The following CEACAM20 variants were observed in gnomAD, a reference collection of about 807,000 sequenced individuals.
CEACAM20 encodes the protein cell adhesion molecule CEACAM20.
In CEACAM20, 50 loss-of-function variants were observed where a neutral mutation model predicts 61.2. That is an observed-to-expected ratio of 0.82 (90% CI 0.65 to 1.03). The LOEUF is 1.03. Ranked by LOEUF, CEACAM20 falls within the 50% of genes least tolerant of loss-of-function variation. The pLI, the probability that CEACAM20 is intolerant of heterozygous loss-of-function variation, is 0.00. For missense variants in CEACAM20, 683 were observed against 736.4 expected (o/e 0.93, Z 0.84); for synonymous variants, 282 against 287.7 (o/e 0.98, Z 0.20).
intron 6 of CEACAM20, among the ~76,000 whole-genome samples, chr19:44,516,526 T>C (rs911394108): frequency 2.0e-5 from 3 of 152,216 alleles, no homozygotes; most frequent in African/African-American, 7.2e-5. Flanking sequence ...TCTCATTCTC[T>C]CTTGTCTGCC....
chr19:44,528,738 CCTT>C (rs1971613798), intron 1 of CEACAM20, among the ~76,000 whole-genome samples: 1 of 151,890 alleles, frequency 6.6e-6, no homozygotes, highest in Non-Finnish European at 1.5e-5. Flanking sequence ...GTTTATGTCT[CCTT>C]CTGTCAGTCT....
intron 1 of CEACAM20, among the ~76,000 whole-genome samples, chr19:44,525,733 G>C (rs1971511796): frequency 6.6e-6 from 1 of 151,986 alleles, no homozygotes; most frequent in African/African-American, 2.4e-5. Flanking sequence ...ATGAGCCCCT[G>C]TGCCAGCTGC....
chr19:44,511,033 A>G lies in CEACAM20; in HGVS notation c.1734T>C (p.Tyr578=), dbSNP rs772862763. ...ACTCAGTGTGGCATAAACATACCTCATAGATTGACTCCATGTTTTTTGGCA... is the reference window on the plus strand; with the variant it reads ...ACTCAGTGTGGCATAAACATACCTCGTAGATTGACTCCATGTTTTTTGGCA... The part of the protein sequence containing the change: ...STVPKNMESI[Y]EELVNPEPNT... Residue 578 remains tyrosine (Y), a synonymous_variant, in exon 11 of 12, where the codon TAT becomes TAC. Transcript: ENST00000614924. The G allele has an allele frequency of 1.7e-5, 28 of 1,613,780 alleles. No individual in the cohort carries two copies. The highest frequency in any genetic ancestry group is 2.4e-5 in the Non-Finnish European group (28 of 1,179,792).
At position 44,524,067 on chromosome 19, in the gene CEACAM20, C is replaced by T; in HGVS notation, c.391G>A (p.Glu131Lys). The change falls in exon 3 of 12, where the codon GAG becomes AAG. Residue 131 changes from glutamate (E) to lysine (K), a missense_variant. Glu to Lys is a moderately conservative substitution (Grantham distance 56). Coordinates refer to ENST00000614924, the MANE Select transcript of CEACAM20 (RefSeq NM_001102597.3). Reference protein sequence around the residue: ...KILTILIVQREDSGTYQCEAR... With the variant: ...KILTILIVQRKDSGTYQCEAR... ...TCACATTGGTAAGTCCCTGAGTCCTCCCGCTGGACAATGAGAATGGTGAGG... is the reference window on the plus strand; with the variant it reads ...TCACATTGGTAAGTCCCTGAGTCCTTCCGCTGGACAATGAGAATGGTGAGG... 6.3e-7 allele frequency: 1 copy of T among 1,576,902 alleles called. No individual in the cohort carries two copies. The highest frequency in any genetic ancestry group is 8.6e-7 in the Non-Finnish European group (1 of 1,160,804).
Position 44,517,067 on chromosome 19 carries a change from G to T in CEACAM20, c.1188C>A (p.His396Gln). Residue 396 changes from histidine (H) to glutamine (Q), a missense_variant, in exon 6 of 12, where the codon CAC becomes CAA. His to Gln is a conservative substitution (Grantham distance 24, BLOSUM62 0). Transcript: ENST00000614924. Reference protein sequence around the residue: ...RWTLEHSTGEHLGEQLIIRAL... With the variant: ...RWTLEHSTGEQLGEQLIIRAL... ...CCCTGATAATCAGCTGCTCACCCAG[G>T]TGCTCCCCGGTGGAGTGTTCAAGAG... 1.2e-6 allele frequency: 2 copies of T among 1,607,144 alleles called. No individual in the cohort carries two copies. The highest frequency in any genetic ancestry group is 1.7e-6 in the Non-Finnish European group (2 of 1,176,970).
At chr19:44,506,646 T>C (rs1199037717) in intron 11 of CEACAM20, among the ~76,000 whole-genome samples, 1 of 152,220 alleles carries the variant, frequency 6.6e-6, no homozygotes, top group Non-Finnish European at 1.5e-5. Context: ...GAGGGCCACA[T>C]GGCAAAGAAC....
chr19:44,529,193 G>A (rs908803424), intron 1 of CEACAM20, among the ~76,000 whole-genome samples: 9 of 151,606 alleles, frequency 5.9e-5, no homozygotes, highest in African/African-American at 2.2e-4. Context: ...TCAAACTCCT[G>A]GCCTCAAGTG....
intron 11 of CEACAM20, among the ~76,000 whole-genome samples, chr19:44,507,229 T>C (rs1331519861): frequency 6.6e-6 from 1 of 152,198 alleles, no homozygotes; most frequent in African/African-American, 2.4e-5. Flanking sequence ...GTGGTATTTC[T>C]GGGAAGACCT....
intron 6 of CEACAM20, among the ~76,000 whole-genome samples, chr19:44,514,542 T>C (rs188767827): frequency 5.3e-5 from 8 of 151,450 alleles, no homozygotes; most frequent in African/African-American, 1.9e-4. Context: ...TCCACCTCCC[T>C]GGTTCAAGCA....
chr19:44,509,162 C>T (rs1970900114), intron 11 of CEACAM20, among the ~76,000 whole-genome samples: 1 of 150,942 alleles, frequency 6.6e-6, no homozygotes, highest in African/African-American at 2.4e-5. Flanking sequence ...GGCATGATGT[C>T]CAAAGAAGTG....
Position 44,512,967 on chromosome 19 carries a change from G to T in CEACAM20, c.1428-14C>A, listed in dbSNP as rs773038104. 1 of 1,603,374 alleles carries T rather than the reference G, an allele frequency of 6.2e-7. No individual in the cohort carries two copies. The highest frequency in any genetic ancestry group is 8.5e-7 in the Non-Finnish European group (1 of 1,173,230). On this transcript the variant is annotated splice_polypyrimidine_tract_variant and intron_variant, in intron 7 of 11. Transcript: ENST00000614924. ...TTCCTTGAGGGCCTGAAACCCCAAA[G>T]CCCTCATTATTCTGTGCCTCTAGTC...
At chr19:44,523,661 C>G (rs2123624382) in intron 3 of CEACAM20, among the ~76,000 whole-genome samples, 1 of 152,176 alleles carries the variant, frequency 6.6e-6, no homozygotes, top group East Asian at 2.0e-4. Flanking sequence ...AAGCAATCCT[C>G]TTGCCTCAGC....
At chr19:44,513,716 T>C (rs1316806852) in intron 6 of CEACAM20, among the ~76,000 whole-genome samples, 5 of 152,074 alleles carry the variant, frequency 3.3e-5, no homozygotes, top group Admixed American at 6.6e-5. Flanking sequence ...GCTGGGATTA[T>C]AGGTGTAAGC....
intron 6 of CEACAM20, among the ~76,000 whole-genome samples, chr19:44,515,205 C>T (rs1971119775): frequency 1.4e-5 from 2 of 141,382 alleles, no homozygotes; most frequent in Non-Finnish European, 3.1e-5. Context: ...TGATACATAC[C>T]AGATGCTTGA....
At position 44,529,519 on chromosome 19, in the gene CEACAM20, C is replaced by T; in HGVS notation, c.-10G>A. 1 of 1,613,732 alleles carries T rather than the reference C, an allele frequency of 6.2e-7. No homozygotes were observed. Among genetic ancestry groups the T allele is most frequent in the Non-Finnish European group, 8.5e-7 (1 of 1,179,770 alleles). ...AGTCAGCAGGCCCCATGGGTCCCGG[C>T]ACCTGACTTCAGTGTGCCAGGCCGT... On this transcript the variant is annotated 5_prime_UTR_variant, in exon 1 of 12. Coordinates refer to ENST00000614924, the MANE Select transcript of CEACAM20 (RefSeq NM_001102597.3).
At position 44,513,159 on chromosome 19, in the gene CEACAM20, A is replaced by G. The variant is rs879813380; in HGVS notation, c.1427+13T>C. 2 of 1,593,478 alleles carry G rather than the reference A, an allele frequency of 1.3e-6. No individual in the cohort carries two copies. Among genetic ancestry groups the G allele is most frequent in the Non-Finnish European group, 1.7e-6 (2 of 1,162,492 alleles). ...TCCCCATCCCCATCCCCCTCCCTGT[A>G]TCCCTGTGTTACCGTCTGGCATTTC... On this transcript the variant is annotated intron_variant, in intron 7 of 11. Transcript: ENST00000614924.
At chr19:44,520,957 T>C (rs1971347265) in intron 4 of CEACAM20, among the ~76,000 whole-genome samples, 1 of 152,144 alleles carries the variant, frequency 6.6e-6, no homozygotes, top group South Asian at 2.1e-4. Flanking sequence ...GTGATTATTA[T>C]GTGAATATGC....
chr19:44,516,086 G>GT (rs1318891149), intron 6 of CEACAM20, among the ~76,000 whole-genome samples: 1 of 152,178 alleles, frequency 6.6e-6, no homozygotes. Flanking sequence ...CCCAGAGAGG[G>GT]TAAGTAACTT....
At chr19:44,511,805 T>C (rs1971009055) in intron 9 of CEACAM20, 133 bp from the exon 10 acceptor site, 1 of 1,011,172 alleles carries the variant, frequency 9.9e-7, no homozygotes, top group Non-Finnish European at 1.5e-6. Flanking sequence ...AAGCTAGGAA[T>C]TGTCATGTCA....
Sources: allele counts gnomAD v4.1 joint callset (sites outside exome capture counted in the v4.1 genomes callset), GRCh38; gene constraint gnomAD v4.1.1; transcripts MANE v1.5; gene names NCBI Gene and HGNC (gene_info 2026-07-23, HGNC 2026-07-21).